Variants in NLGN4X observed in about 807,000 individuals in gnomAD.
The protein encoded by NLGN4X is neuroligin 4 X-linked, also known as neuroligin-4, X-linked.
NLGN4X carries 3 observed loss-of-function variants against 40.3 expected under a neutral mutation model. The ratio of observed to expected loss-of-function variants is 0.07; its 90% CI spans 0.03 to 0.19. The LOEUF is 0.19. Among genes scored for constraint, NLGN4X ranks in the 10% least tolerant of loss-of-function variants. The probability of loss-of-function intolerance (pLI) is 1.00; values close to 1 mark genes in which losing one functional copy is unlikely to be tolerated. For missense variants in NLGN4X, 382 were observed against 708.3 expected, an observed-to-expected ratio of 0.54 and a Z score of 5.23; for synonymous variants, 270 against 306.8, an observed-to-expected ratio of 0.88 and a Z score of 1.25.
chrX:6,216,794 C>A (rs4437778), intron 1 of NLGN4X, among the ~76,000 whole-genome samples: 16,131 of 111,111 alleles, frequency 0.15, 1,080 homozygotes, highest in African/African-American at 0.25. Flanking sequence ...CATTTGAATT[C>A]TTTTTAAGAG....
At chrX:6,067,105 T>TCCC (rs139427925) in intron 2 of NLGN4X, among the ~76,000 whole-genome samples, 30 of 102,446 alleles carry the variant, frequency 2.9e-4, no homozygotes, top group Non-Finnish European at 4.8e-4. Flanking sequence ...TGAGATACAG[T>TCCC]CCCCCCCCCA....
At chrX:5,921,450 G>C (rs1227949990) in intron 3 of NLGN4X, among the ~76,000 whole-genome samples, 1 of 101,856 alleles carries the variant, frequency 9.8e-6, no homozygotes, top group Admixed American at 1.1e-4. Flanking sequence ...GACAGAGACA[G>C]AGAGAGAGAG....
intron 1 of NLGN4X, among the ~76,000 whole-genome samples, chrX:6,223,540 T>G (rs1023478576): frequency 1.5e-4 from 17 of 112,511 alleles, no homozygotes; most frequent in Non-Finnish European, 5.6e-5. Context: ...CTTGTTCATG[T>G]GTGCTACTGT....
chrX:5,900,204 T>C (rs767832080), intron 5 of NLGN4X, among the ~76,000 whole-genome samples: 50 of 112,315 alleles, frequency 4.5e-4, no homozygotes, highest in Non-Finnish European at 8.3e-4. Flanking sequence ...GTGAGCTTAT[T>C]TGGAAATAGG....
chrX:6,155,677 T>C (rs1451783216), intron 1 of NLGN4X, among the ~76,000 whole-genome samples: 1 of 112,685 alleles, frequency 8.9e-6, no homozygotes, highest in Non-Finnish European at 1.9e-5. Flanking sequence ...TTCTGGTTTT[T>C]ATTTCCCCTC....
chrX:6,162,170 G>T (rs1275632365), intron 1 of NLGN4X, among the ~76,000 whole-genome samples: 1 of 112,052 alleles, frequency 8.9e-6, no homozygotes, highest in Non-Finnish European at 1.9e-5. Context: ...TTATGTATCT[G>T]GGAGGTAGTA....
rs892099292 is a variant in NLGN4X, at chrX:6,192,134, AT to A, written c.-306+36406del. 5.2e-4 allele frequency among the ~76,000 whole-genome samples: 56 copies of A among 107,640 alleles called. 2 individuals carry two copies. The highest frequency in any genetic ancestry group is 2.9e-3 in the East Asian group (10 of 3,413). The allele number at this position is 107,640 out of a possible 115,157, so 93.5% of individuals were successfully genotyped here. On this transcript the variant is annotated intron_variant, in intron 1 of 5. Coordinates refer to ENST00000381095, the MANE Select transcript of NLGN4X (RefSeq NM_181332.3). Reference sequence around the variant, plus strand: ...GTTGCATAGACATTGTTTTCACCTAATTTTTTTTTTCTTTGAGACAGGGTCT... The same window carrying A: ...GTTGCATAGACATTGTTTTCACCTAATTTTTTTTTCTTTGAGACAGGGTCT...
At chrX:6,128,499 A>G (rs906663804) in intron 2 of NLGN4X, among the ~76,000 whole-genome samples, 16 of 112,258 alleles carry the variant, frequency 1.4e-4, no homozygotes, top group African/African-American at 5.2e-4. Flanking sequence ...CAATGCTTGT[A>G]TTGTATCTCT....
At chrX:6,221,391 T>TTATA (rs60897428) in intron 1 of NLGN4X, among the ~76,000 whole-genome samples, 1,695 of 53,138 alleles carry the variant, frequency 0.032, 33 homozygotes, top group African/African-American at 0.04. Flanking sequence ...CCTTCTTATA[T>TTATA]TATATATATA....
At chrX:5,976,184 A>T (rs898638914) in intron 3 of NLGN4X, among the ~76,000 whole-genome samples, 4 of 112,496 alleles carry the variant, frequency 3.6e-5, no homozygotes, top group Non-Finnish European at 7.5e-5. Flanking sequence ...AATATTTTCA[A>T]CAAACACACA....
chrX:6,066,700 G>A (rs997436540), intron 2 of NLGN4X, among the ~76,000 whole-genome samples: 10 of 110,489 alleles, frequency 9.1e-5, no homozygotes, highest in Non-Finnish European at 1.5e-4. Context: ...CAGGAGAATC[G>A]CGTGAACGCA....
intron 3 of NLGN4X, among the ~76,000 whole-genome samples, chrX:5,972,140 C>CACACAGAG (rs774566122): frequency 1.8e-5 from 2 of 109,382 alleles, no homozygotes; most frequent in African/African-American, 3.4e-5. Context: ...CACAGGCACA[C>CACACAGAG]ACACATATGT....
chrX:6,217,177 G>A (rs1925158424), intron 1 of NLGN4X, among the ~76,000 whole-genome samples: 1 of 111,835 alleles, frequency 8.9e-6, no homozygotes, highest in Non-Finnish European at 1.9e-5. Context: ...AATAAAAAGT[G>A]AGCTATGTAT....
intron 2 of NLGN4X, among the ~76,000 whole-genome samples, chrX:6,125,813 T>C (rs2039530506): frequency 1.8e-5 from 2 of 111,571 alleles, no homozygotes; most frequent in South Asian, 7.4e-4. Flanking sequence ...ATGGACAGTT[T>C]AACATTCATA....
chrX:5,958,722 G>A (rs1264786442), intron 3 of NLGN4X, among the ~76,000 whole-genome samples: 1 of 111,646 alleles, frequency 9.0e-6, no homozygotes. Flanking sequence ...GCTGAGTCAT[G>A]GTTTATTTAA....
intron 3 of NLGN4X, among the ~76,000 whole-genome samples, chrX:6,016,645 T>G: frequency 8.9e-6 from 1 of 111,956 alleles, no homozygotes; most frequent in East Asian, 2.8e-4. Flanking sequence ...ATGAAATATA[T>G]GTCCATACAA....
chrX:6,019,466 G>A (rs964545386), intron 3 of NLGN4X, among the ~76,000 whole-genome samples: 3 of 111,338 alleles, frequency 2.7e-5, no homozygotes, highest in African/African-American at 9.8e-5. Context: ...TAAACATCCC[G>A]CTCAGATTGC....
At chrX:6,155,028 C>G (rs1330165552) in intron 1 of NLGN4X, among the ~76,000 whole-genome samples, 1 of 111,753 alleles carries the variant, frequency 8.9e-6, no homozygotes, top group Non-Finnish European at 1.9e-5. Context: ...TGATGACAGG[C>G]ATTTTGGTAT....
intron 1 of NLGN4X, chrX:6,187,889 C>G (rs1236847961): frequency 9.0e-6 from 1 of 111,705 alleles, no homozygotes; most frequent in African/African-American, 3.3e-5. Context: ...ATCTTTGACT[C>G]GACACAAAAC....
Sources: gnomAD v4.1 joint callset for allele counts (sites outside exome capture counted in the v4.1 genomes callset) on GRCh38, gnomAD v4.1.1 for gene constraint, MANE v1.5 for transcripts, NCBI Gene and HGNC (gene_info 2026-07-23, HGNC 2026-07-21) for gene names.